Variants in MYO3A observed in about 807,000 individuals in gnomAD.
The protein encoded by MYO3A is myosin-IIIa.
Under a neutral mutation model 192.7 loss-of-function variants are expected in MYO3A, and 180 were observed. The observed-to-expected ratio is 0.93, with a 90% CI of 0.83 to 1.06. The LOEUF (loss-of-function observed/expected upper bound fraction) is 1.06. Among genes scored for constraint, MYO3A ranks in the 50% least tolerant of loss-of-function variants. The pLI is 0.00. For synonymous variants in MYO3A, 628 were observed against 645.3 expected, an observed-to-expected ratio of 0.97 and a Z score of 0.41; for missense variants, 1,896 against 1,905.0, an observed-to-expected ratio of 1.00 and a Z score of 0.09.
chr10:26,154,338 C>T (rs1840974837), intron 24 of MYO3A, among the ~76,000 whole-genome samples: 1 of 152,100 alleles, frequency 6.6e-6, no homozygotes, highest in Non-Finnish European at 1.5e-5. Context: ...CCCACCCACA[C>T]CCAGCTAATT....
intron 14 of MYO3A, among the ~76,000 whole-genome samples, chr10:26,084,377 A>G (rs527935931): frequency 6.6e-6 from 1 of 152,366 alleles, no homozygotes; most frequent in Admixed American, 6.5e-5. Context: ...ATCAGTGTTC[A>G]TCAGAGAAAT....
chr10:26,194,072 C>T (rs1843283763), intron 32 of MYO3A, among the ~76,000 whole-genome samples: 1 of 152,168 alleles, frequency 6.6e-6, no homozygotes, highest in Admixed American at 6.5e-5. Context: ...CTAACTGTGG[C>T]TTCTACCTGC....
chr10:26,046,148 T>C (rs977492049), intron 10 of MYO3A, among the ~76,000 whole-genome samples: 1 of 152,088 alleles, frequency 6.6e-6, no homozygotes, highest in African/African-American at 2.4e-5. Context: ...ATTTATAGCG[T>C]TGGTCAGAAG....
chr10:26,068,799 A>T lies in MYO3A; in HGVS notation c.1085A>T (p.Tyr362Phe). ...NTVSEQLEKC[Y>F]SRDQIYVYVG... ...GTCTCAGAGCAACTTGAGAAGTGTT[A>T]TTCCAGAGATCAGATCTACGTCTAT... Residue 362 changes from tyrosine to phenylalanine, a missense_variant, in exon 12 of 35, where the codon TAT becomes TTT. By Grantham distance (22) the Tyr-to-Phe change is conservative (BLOSUM62 3). Coordinates refer to ENST00000642920, the MANE Select transcript of MYO3A (RefSeq NM_017433.5). 6.3e-7 allele frequency: 1 copy of T among 1,593,484 alleles called. No homozygotes were observed. Among genetic ancestry groups the T allele is most frequent in the Non-Finnish European group, 8.6e-7 (1 of 1,161,424 alleles).
At chr10:26,156,096 G>A (rs1026869937) in intron 25 of MYO3A, among the ~76,000 whole-genome samples, 1 of 152,146 alleles carries the variant, frequency 6.6e-6, no homozygotes, top group Non-Finnish European at 1.5e-5. Context: ...TATCACCCCT[G>A]TACCACCAGT....
intron 21 of MYO3A, among the ~76,000 whole-genome samples, chr10:26,144,264 C>G (rs923342869): frequency 2.6e-5 from 4 of 151,582 alleles, no homozygotes; most frequent in African/African-American, 9.7e-5. Flanking sequence ...TTTTTAAACG[C>G]AGAACATTGT....
rs570219228 is a variant in MYO3A at position 25,944,135 on chromosome 10, T to C, written c.-17-7959T>C. On this transcript the variant is annotated intron_variant, in intron 2 of 34. Transcript: ENST00000642920. ...GGTGTTGAATTTTGTCAAATGCTTTTGCTGCATCAACTTAAATGATCATGT... is the reference window on the plus strand; with the variant it reads ...GGTGTTGAATTTTGTCAAATGCTTTCGCTGCATCAACTTAAATGATCATGT... Among the ~76,000 whole-genome samples, 6 of 152,210 alleles carry C rather than the reference T, an allele frequency of 3.9e-5. No homozygotes were observed. The South Asian group carries it at 1.2e-3, about 32-fold the overall frequency.
At chr10:26,095,672 CT>C (rs1401184613) in intron 15 of MYO3A, among the ~76,000 whole-genome samples, 2 of 152,158 alleles carry the variant, frequency 1.3e-5, no homozygotes, top group East Asian at 3.9e-4. Flanking sequence ...GAAGTGGAAA[CT>C]TACCTTGTTG....
chr10:26,183,551 T>C (rs1251571629), intron 31 of MYO3A, among the ~76,000 whole-genome samples: 1 of 151,550 alleles, frequency 6.6e-6, no homozygotes, highest in African/African-American at 2.4e-5. Flanking sequence ...AAATAAAAAA[T>C]AAATAAAACT....
chr10:25,954,586 G>T (rs1320053041), intron 3 of MYO3A, among the ~76,000 whole-genome samples: 1 of 151,968 alleles, frequency 6.6e-6, no homozygotes, highest in Non-Finnish European at 1.5e-5. Flanking sequence ...ATCTGGAGTA[G>T]CTCTCCATAG....
intron 1 of MYO3A, among the ~76,000 whole-genome samples, chr10:25,935,016 C>T (rs1260855831): frequency 6.6e-6 from 1 of 152,014 alleles, no homozygotes; most frequent in Non-Finnish European, 1.5e-5. Flanking sequence ...GCCTCGGAGA[C>T]CTGTGGCGCG....
At chr10:26,073,704 GC>G (rs1835359828) in intron 14 of MYO3A, among the ~76,000 whole-genome samples, 2 of 152,024 alleles carry the variant, frequency 1.3e-5, no homozygotes, top group African/African-American at 4.8e-5. Flanking sequence ...AATGCATTAT[GC>G]AAGTCAAAGA....
intron 6 of MYO3A, among the ~76,000 whole-genome samples, chr10:25,999,435 T>C (rs1223387445): frequency 3.3e-5 from 5 of 152,198 alleles, no homozygotes; most frequent in African/African-American, 1.2e-4. Context: ...CTATGGTGAT[T>C]AGTAGGTTGT....
At chr10:26,003,330 TC>T (rs1173727119) in intron 6 of MYO3A, among the ~76,000 whole-genome samples, 2 of 152,188 alleles carry the variant, frequency 1.3e-5, no homozygotes, top group African/African-American at 4.8e-5. Flanking sequence ...AATCTGAGTT[TC>T]CAAAAGAGGT....
chr10:26,094,479 C>G (rs1206995879), intron 15 of MYO3A, among the ~76,000 whole-genome samples: 2 of 131,650 alleles, frequency 1.5e-5, no homozygotes, highest in Non-Finnish European at 1.5e-5. Context: ...GGCTGGAGTG[C>G]AGTGGCACGA....
intron 20 of MYO3A, among the ~76,000 whole-genome samples, chr10:26,140,422 G>T (rs149370191): frequency 0.013 from 2,021 of 152,272 alleles, 52 homozygotes; most frequent in African/African-American, 0.045. Context: ...GGTGGCTCAC[G>T]CCTGTAATCC....
intron 3 of MYO3A, 145 bp downstream of exon 3, chr10:25,952,423 C>A: frequency 9.8e-7 from 1 of 1,022,194 alleles, no homozygotes; most frequent in Non-Finnish European, 1.4e-6. Flanking sequence ...GAGAAGTCTA[C>A]TTATTTGCTT....
intron 18 of MYO3A, among the ~76,000 whole-genome samples, chr10:26,124,559 G>T (rs1839086626): frequency 6.6e-6 from 1 of 152,050 alleles, no homozygotes; most frequent in South Asian, 2.1e-4. Context: ...AAAATATAGG[G>T]TTTAACAATC....
intron 30 of MYO3A, 96 bp from the exon 31 acceptor site, chr10:26,176,605 C>T (rs933197092): frequency 8.7e-7 from 1 of 1,147,028 alleles, no homozygotes; most frequent in Non-Finnish European, 1.3e-6. Flanking sequence ...TGAGAGTCCC[C>T]AAGAGTGCTG....
Sources: gnomAD v4.1 joint callset for allele counts (sites outside exome capture counted in the v4.1 genomes callset) on GRCh38, gnomAD v4.1.1 for gene constraint, MANE v1.5 for transcripts, NCBI Gene and HGNC (gene_info 2026-07-23, HGNC 2026-07-21) for gene names.